CAMK1D: variants seen among roughly 807,000 people sequenced by gnomAD.
CAMK1D encodes the protein calcium/calmodulin-dependent protein kinase type 1D.
Under a neutral mutation model 47.7 loss-of-function variants are expected in CAMK1D, and 9 were observed. The observed-to-expected ratio is 0.19, with a 90% CI of 0.11 to 0.33. CAMK1D has a LOEUF of 0.33. CAMK1D is among the 10% of genes least tolerant of loss of function. CAMK1D has a pLI of 1.00. For synonymous variants in CAMK1D, 184 were observed against 184.9 expected (o/e 0.99, Z 0.04); for missense variants, 291 against 488.7 (o/e 0.60, Z 3.81).
chr10:12,404,521 G>GA (rs1839342629), intron 1 of CAMK1D, among the ~76,000 whole-genome samples: 1 of 152,140 alleles, frequency 6.6e-6, no homozygotes, highest in Non-Finnish European at 1.5e-5. Context: ...ACAAGTGTAG[G>GA]AAAGCTAGGA....
At chr10:12,657,949 G>A (rs1840164913) in intron 2 of CAMK1D, among the ~76,000 whole-genome samples, 1 of 152,088 alleles carries the variant, frequency 6.6e-6, no homozygotes. Context: ...CCAGGAGTTC[G>A]AGACAGCCTG....
At chr10:12,792,647 A>T (rs535077030) in intron 6 of CAMK1D, among the ~76,000 whole-genome samples, 106 of 152,280 alleles carry the variant, frequency 7.0e-4, no homozygotes, top group African/African-American at 2.4e-3. Context: ...GCCTTTCTCC[A>T]GCGTTCAGCT....
chr10:12,364,471 G>A (rs1837776052), intron 1 of CAMK1D, among the ~76,000 whole-genome samples: 1 of 151,932 alleles, frequency 6.6e-6, no homozygotes, highest in Non-Finnish European at 1.5e-5. Flanking sequence ...TTGAACTTCT[G>A]ACCTCAGGTG....
At chr10:12,547,099 C>G (rs192803304) in intron 1 of CAMK1D, among the ~76,000 whole-genome samples, 1 of 151,918 alleles carries the variant, frequency 6.6e-6, no homozygotes, top group African/African-American at 2.4e-5. Flanking sequence ...CCTTGGGGGC[C>G]CATTGATGTT....
chr10:12,742,328 T>C (rs1384295499), intron 3 of CAMK1D, among the ~76,000 whole-genome samples: 1 of 151,836 alleles, frequency 6.6e-6, no homozygotes, highest in Non-Finnish European at 1.5e-5. Context: ...AGAGACGGGG[T>C]CTCACCGTGT....
At chr10:12,515,402 C>CTTTTTTTTTTTTTTTTTTTTT (rs772694725) in intron 1 of CAMK1D, among the ~76,000 whole-genome samples, 13 of 102,028 alleles carry the variant, frequency 1.3e-4, no homozygotes, top group African/African-American at 3.5e-4. Flanking sequence ...TTTTCCTTTT[C>CTTTTTTTTTTTTTTTTTTTTT]TTTTTTTTTT....
intron 1 of CAMK1D, among the ~76,000 whole-genome samples, chr10:12,484,636 G>A (rs576352260): frequency 3.9e-5 from 6 of 152,182 alleles, no homozygotes; most frequent in Non-Finnish European, 7.3e-5. Flanking sequence ...GCTCATTCAC[G>A]GGGACCACTC....
chr10:12,477,545 G>A (rs1833937904), intron 1 of CAMK1D, among the ~76,000 whole-genome samples: 1 of 152,198 alleles, frequency 6.6e-6, no homozygotes, highest in African/African-American at 2.4e-5. Context: ...TCTCTTCATA[G>A]GCACCACTGC....
At chr10:12,648,136 A>AT (rs1242337593) in intron 2 of CAMK1D, among the ~76,000 whole-genome samples, 1 of 152,204 alleles carries the variant, frequency 6.6e-6, no homozygotes, top group Non-Finnish European at 1.5e-5. Context: ...TAAAAAAGCT[A>AT]TTTTTTATAG....
chr10:12,758,062 G>A (rs1164230581), intron 3 of CAMK1D, among the ~76,000 whole-genome samples: 4 of 152,116 alleles, frequency 2.6e-5, no homozygotes, highest in African/African-American at 9.6e-5. Flanking sequence ...TGTTGGCCAG[G>A]TTGGTCTTGA....
At chr10:12,816,403 C>T (rs763973812) in intron 8 of CAMK1D, 75 bp downstream of exon 8, 351 of 1,182,518 alleles carry the variant, frequency 3.0e-4, no homozygotes, top group Non-Finnish European at 4.0e-4. Context: ...TCCTGTTGGC[C>T]GTTGTCATTT....
At chr10:12,685,556 A>G (rs1158212315) in intron 3 of CAMK1D, among the ~76,000 whole-genome samples, 1 of 152,202 alleles carries the variant, frequency 6.6e-6, no homozygotes, top group African/African-American at 2.4e-5. Flanking sequence ...CTTAGCCAGT[A>G]GGAAATTGAC....
chr10:12,577,228 C>T (rs867041630), intron 2 of CAMK1D, among the ~76,000 whole-genome samples: 5 of 152,302 alleles, frequency 3.3e-5, no homozygotes, highest in Non-Finnish European at 2.9e-5. Flanking sequence ...AGCGAAAATT[C>T]CTGGCTGGTT....
chr10:12,380,912 A>G (rs1431368052), intron 1 of CAMK1D, among the ~76,000 whole-genome samples: 1 of 152,198 alleles, frequency 6.6e-6, no homozygotes, highest in Non-Finnish European at 1.5e-5. Flanking sequence ...TTGAAGGCTC[A>G]CACATTTAGT....
intron 2 of CAMK1D, among the ~76,000 whole-genome samples, chr10:12,579,966 A>G (rs1317463819): frequency 6.6e-6 from 1 of 152,032 alleles, no homozygotes; most frequent in Non-Finnish European, 1.5e-5. Flanking sequence ...AAAAGTGTCC[A>G]CTCTCAGCCA....
At chr10:12,563,710 G>GGAGAGA (rs1346622990) in intron 2 of CAMK1D, among the ~76,000 whole-genome samples, 1 of 119,042 alleles carries the variant, frequency 8.4e-6, no homozygotes, top group African/African-American at 3.2e-5. Flanking sequence ...GGAGAGAGAG[G>GGAGAGA]GAGAGAGAGA....
intron 3 of CAMK1D, among the ~76,000 whole-genome samples, chr10:12,697,107 G>A (rs973444857): frequency 6.6e-6 from 1 of 152,012 alleles, no homozygotes; most frequent in Non-Finnish European, 1.5e-5. Context: ...GTCAAAGTAG[G>A]GTATATTTAT....
chr10:12,510,033 G>A (rs971488585), intron 1 of CAMK1D, among the ~76,000 whole-genome samples: 2 of 152,232 alleles, frequency 1.3e-5, no homozygotes, highest in Non-Finnish European at 2.9e-5. Flanking sequence ...CAGGCTTTCA[G>A]ACAGAAATCA....
chr10:12,680,104 T>C (rs1458500487), intron 3 of CAMK1D, among the ~76,000 whole-genome samples: 2 of 152,268 alleles, frequency 1.3e-5, no homozygotes, highest in Non-Finnish European at 2.9e-5. Flanking sequence ...CAAGTATTTA[T>C]GGAGTCCCCA....
Sources: gnomAD v4.1 joint callset for allele counts (sites outside exome capture counted in the v4.1 genomes callset) on GRCh38, gnomAD v4.1.1 for gene constraint, MANE v1.5 for transcripts, NCBI Gene and HGNC (gene_info 2026-07-23, HGNC 2026-07-21) for gene names.